The following JAKMIP2 variants were observed in gnomAD, a reference collection of about 807,000 sequenced individuals.
The protein encoded by JAKMIP2 is janus kinase and microtubule interacting protein 2, also known as janus kinase and microtubule-interacting protein 2.
In JAKMIP2, 25 loss-of-function variants were observed where a neutral mutation model predicts 115.0. The ratio of observed to expected loss-of-function variants is 0.22; its 90% CI spans 0.16 to 0.30. The LOEUF (loss-of-function observed/expected upper bound fraction) is 0.30. Ranked by LOEUF, JAKMIP2 falls within the 10% of genes least tolerant of loss-of-function variation. JAKMIP2 has a pLI of 1.00. For missense variants in JAKMIP2, 642 were observed against 957.6 expected (o/e 0.67, Z 4.35); for synonymous variants, 334 against 343.6 (o/e 0.97, Z 0.31).
At chr5:147,657,822 G>C (rs1057103957) in intron 3 of JAKMIP2, among the ~76,000 whole-genome samples, 1 of 151,822 alleles carries the variant, frequency 6.6e-6, no homozygotes, top group Non-Finnish European at 1.5e-5. Context: ...TATGCTTCAC[G>C]AAGTTCTCGT....
intron 1 of JAKMIP2, among the ~76,000 whole-genome samples, chr5:147,694,457 G>C (rs1481165247): frequency 2.0e-5 from 3 of 152,128 alleles, no homozygotes; most frequent in Admixed American, 6.6e-5. Context: ...GAAATAAAGA[G>C]GGTATACAGG....
At chr5:147,713,076 A>T (rs1337307122) in intron 1 of JAKMIP2, among the ~76,000 whole-genome samples, 1 of 152,182 alleles carries the variant, frequency 6.6e-6, no homozygotes, top group African/African-American at 2.4e-5. Flanking sequence ...AATATTAATA[A>T]CGTATTGTGT....
At chr5:147,627,625 T>A (rs1315737250) in intron 16 of JAKMIP2, among the ~76,000 whole-genome samples, 1 of 147,988 alleles carries the variant, frequency 6.8e-6, no homozygotes, top group Non-Finnish European at 1.5e-5. Flanking sequence ...GCTTTCATTT[T>A]ATTTCACATG....
intron 1 of JAKMIP2, among the ~76,000 whole-genome samples, chr5:147,722,628 A>C (rs1465486164): frequency 3.9e-5 from 6 of 152,232 alleles, no homozygotes; most frequent in Non-Finnish European, 1.5e-5. Context: ...AAAGAGTTGC[A>C]TGGGACAATG....
At chr5:147,610,897 T>C (rs191853813) in intron 20 of JAKMIP2, among the ~76,000 whole-genome samples, 30 of 152,328 alleles carry the variant, frequency 2.0e-4, no homozygotes, top group Non-Finnish European at 2.5e-4. Context: ...AGGAGGAATC[T>C]AGACAGGCAG....
chr5:147,590,798 G>A lies in JAKMIP2; in HGVS notation c.*909C>T. 6.6e-6 allele frequency: 1 copy of A among 152,154 alleles called. No homozygotes were observed. The allele number at this position is 152,154 out of a possible 1,614,324, so 9.4% of individuals were successfully genotyped here. On this transcript the variant is annotated 3_prime_UTR_variant, in exon 22 of 22. Coordinates refer to ENST00000616793, the MANE Select transcript of JAKMIP2 (RefSeq NM_001270941.2). The stretch of plus-strand genomic sequence containing the variant: ...GCGTTCTAAACAGAACTAAGTCAGG[G>A]AGCATGTGATTTACAGTATCATCTT...
chr5:147,610,560 G>A (rs10040051), intron 20 of JAKMIP2, among the ~76,000 whole-genome samples: 142,947 of 152,250 alleles, frequency 0.94, 67,624 homozygotes, highest in Non-Finnish European at 1. Flanking sequence ...TGGAAGCTTC[G>A]TCCCTGAAGG....
At position 147,644,045 on chromosome 5, in the gene JAKMIP2, G is replaced by A; in HGVS notation, c.1224+13C>T. On this transcript the variant is annotated intron_variant, in intron 7 of 21. Transcript: ENST00000616793. ...GGGAACAACTTAGGGTTTACAGATT[G>A]ATTGACACGTACCCTTGTGAGCTCA... 6.5e-7 allele frequency: 1 copy of A among 1,533,320 alleles called. No homozygotes were observed. The highest frequency in any genetic ancestry group is 1.3e-5 in the South Asian group (1 of 75,632). 95.0% of individuals were successfully genotyped at this position (1,533,320 alleles called of 1,614,324 possible). A position where few individuals can be genotyped will look rare whatever the true frequency, so the allele number is the denominator to read the frequency against.
rs1758931871 is a variant in JAKMIP2, at chr5:147,660,999, T to C, written c.576A>G (p.Gln192=). The C allele has an allele frequency of 6.2e-7, 1 of 1,614,098 alleles. No homozygotes were observed. The highest frequency in any genetic ancestry group is 1.1e-5 in the South Asian group (1 of 91,054). The change falls in exon 3 of 22, where the codon CAA becomes CAG. Residue 192 remains glutamine, a synonymous_variant. Transcript: ENST00000616793. ...GDLRSEHQSH[Q]EAISKIKWES... Reference sequence around the variant, plus strand: ...CCCACTTGATCTTCGAGATGGCTTCTTGGTGGGACTGATGCTCACTCCGAA... The same window carrying C: ...CCCACTTGATCTTCGAGATGGCTTCCTGGTGGGACTGATGCTCACTCCGAA...
At chr5:147,619,660 A>G (rs1285400424) in intron 18 of JAKMIP2, among the ~76,000 whole-genome samples, 2 of 152,232 alleles carry the variant, frequency 1.3e-5, no homozygotes, top group Non-Finnish European at 2.9e-5. Flanking sequence ...ATGAAGAAGC[A>G]TGCAATAGGA....
chr5:147,641,068 C>T (rs1279512383), intron 8 of JAKMIP2, among the ~76,000 whole-genome samples: 1 of 152,040 alleles, frequency 6.6e-6, no homozygotes, highest in Non-Finnish European at 1.5e-5. Flanking sequence ...AACACTGAAA[C>T]CTCTTTCATA....
In JAKMIP2 at chr5:147,589,853, A is replaced by G. The variant is rs1755030186; in HGVS notation, c.*1854T>C. The G allele has an allele frequency of 6.6e-6, 1 of 152,232 alleles. No homozygotes were observed. Among genetic ancestry groups the G allele is most frequent in the African/African-American group, 2.4e-5 (1 of 41,464 alleles). The allele number at this position is 152,232 out of a possible 1,614,324, so 9.4% of individuals were successfully genotyped here. On this transcript the variant is annotated 3_prime_UTR_variant, in exon 22 of 22. Coordinates refer to ENST00000616793, the MANE Select transcript of JAKMIP2 (RefSeq NM_001270941.2). ...CCAAACTGAAGCACTATTTTATTAC[A>G]TGAGGGAATCTTTTTGTCAACAACA... is the stretch of plus-strand genomic sequence containing the variant.
chr5:147,691,956 C>A (rs1353359635), intron 1 of JAKMIP2, among the ~76,000 whole-genome samples: 1 of 151,960 alleles, frequency 6.6e-6, no homozygotes, highest in Non-Finnish European at 1.5e-5. Context: ...CTGTCCCATT[C>A]CCTTTGCAAA....
intron 1 of JAKMIP2, among the ~76,000 whole-genome samples, chr5:147,735,543 A>C (rs577837678): frequency 1.3e-5 from 2 of 152,304 alleles, no homozygotes; most frequent in East Asian, 3.9e-4. Flanking sequence ...TCATGAGAAC[A>C]CTAAAGGAAC....
At chr5:147,732,643 T>G (rs751044486) in intron 1 of JAKMIP2, among the ~76,000 whole-genome samples, 1 of 152,194 alleles carries the variant, frequency 6.6e-6, no homozygotes, top group African/African-American at 2.4e-5. Flanking sequence ...ATATTGAACA[T>G]TTACTAGGTG....
At chr5:147,622,241 A>C (rs1171572920) in intron 17 of JAKMIP2, among the ~76,000 whole-genome samples, 1 of 152,226 alleles carries the variant, frequency 6.6e-6, no homozygotes, top group Non-Finnish European at 1.5e-5. Flanking sequence ...AGTAAAAAGA[A>C]ACTTTTAAAA....
At chr5:147,731,105 G>A (rs1381246818) in intron 1 of JAKMIP2, among the ~76,000 whole-genome samples, 1 of 152,232 alleles carries the variant, frequency 6.6e-6, no homozygotes, top group African/African-American at 2.4e-5. Flanking sequence ...GAGTGTCCCC[G>A]GCCAGATTCA....
chr5:147,731,175 G>A (rs1219750414), intron 1 of JAKMIP2, among the ~76,000 whole-genome samples: 1 of 152,130 alleles, frequency 6.6e-6, no homozygotes, highest in Non-Finnish European at 1.5e-5. Context: ...TGGACAAGGG[G>A]AGAGATTTCA....
intron 4 of JAKMIP2, 22 bp downstream of exon 4, chr5:147,650,316 A>G: frequency 6.7e-7 from 1 of 1,482,026 alleles, no homozygotes; most frequent in Non-Finnish European, 9.4e-7. Flanking sequence ...TGCATTCTTA[A>G]CTTCAACTAG....
Sources: gnomAD v4.1 joint callset for allele counts (sites outside exome capture counted in the v4.1 genomes callset) on GRCh38, gnomAD v4.1.1 for gene constraint, MANE v1.5 for transcripts, NCBI Gene and HGNC (gene_info 2026-07-23, HGNC 2026-07-21) for gene names.